Variants in DPY19L4 observed in about 807,000 individuals in gnomAD.
DPY19L4 encodes the protein dpy-19 like 4, also known as probable C-mannosyltransferase DPY19L4.
A neutral mutation model predicts 102.8 loss-of-function variants in DPY19L4; 97 were observed. The observed-to-expected ratio is 0.94, with a 90% CI of 0.80 to 1.12. The LOEUF (loss-of-function observed/expected upper bound fraction) is 1.12. Among genes scored for constraint, DPY19L4 ranks in the 50% most tolerant of loss-of-function variants. The probability of loss-of-function intolerance (pLI) is 0.00; values close to 1 mark genes in which losing one functional copy is unlikely to be tolerated. For synonymous variants in DPY19L4, 252 were observed against 283.1 expected (o/e 0.89, Z 1.10); for missense variants, 815 against 850.4 (o/e 0.96, Z 0.52).
At chr8:94,768,652 T>C in intron 12 of DPY19L4, 99 bp downstream of exon 12, 1 of 782,444 alleles carries the variant, frequency 1.3e-6, no homozygotes, top group Non-Finnish European at 1.8e-6. Context: ...GTATTTGTTT[T>C]AGAGCTTCTA....
At chr8:94,736,417 G>C (rs80079347) in intron 3 of DPY19L4, among the ~76,000 whole-genome samples, 8,031 of 152,218 alleles carry the variant, frequency 0.053, 285 homozygotes, top group East Asian at 0.14. Flanking sequence ...AAAGCTGTTT[G>C]ATTTTGTTTA....
intron 13 of DPY19L4, 132 bp from the exon 14 acceptor site, chr8:94,777,534 G>T: frequency 8.8e-7 from 1 of 1,137,192 alleles, no homozygotes; most frequent in Non-Finnish European, 1.2e-6. Flanking sequence ...GAAAATTAGA[G>T]TCTAAGCTTT....
chr8:94,743,684 A>G (rs1316212734), intron 6 of DPY19L4, among the ~76,000 whole-genome samples: 1 of 152,012 alleles, frequency 6.6e-6, no homozygotes, highest in Admixed American at 6.6e-5. Flanking sequence ...TGATTATTGT[A>G]TTATTTAAAA....
chr8:94,777,854 C>T lies in DPY19L4; in HGVS notation c.1575+68C>T, dbSNP rs568934633. The stretch of plus-strand genomic sequence containing the variant: ...ATCAAATGCTAATAAATGGAAACTA[C>T]ATTGAATACAATTGAAATAGCATGA... On this transcript the variant is annotated intron_variant, in intron 14 of 18. Transcript: ENST00000414645. 1.5e-5 allele frequency: 22 copies of T among 1,501,334 alleles called. No individual in the cohort carries two copies. The South Asian group carries it at 2.7e-4, about 18-fold the overall frequency. 93.0% of individuals were successfully genotyped at this position (1,501,334 alleles called of 1,614,324 possible). A position where few individuals can be genotyped will look rare whatever the true frequency, so the allele number is the denominator to read the frequency against.
Position 94,724,260 on chromosome 8 carries a change from A to T in DPY19L4, c.17-2071A>T, listed in dbSNP as rs758565870. Among the ~76,000 whole-genome samples the T allele has an allele frequency of 6.8e-4, 103 of 152,352 alleles. 1 individual carries two copies. The highest frequency in any genetic ancestry group is 3.7e-3 in the Admixed American group (57 of 15,306). ...TTTGACTTCTGAAATTATCCAATTA[A>T]ATGTTTTAAAGTCCAATGCTATTAC... is the stretch of plus-strand genomic sequence containing the variant. On this transcript the variant is annotated intron_variant, in intron 1 of 18. Transcript: ENST00000414645.
In DPY19L4 at chr8:94,719,932, C is replaced by T. The variant is rs1457262553; in HGVS notation, c.-67C>T. ...GGCCCCCGGAGGCCGAGGGGTTCGG[C>T]GACGCGGAGGGAGGGAGAGTCTGGG... On this transcript the variant is annotated 5_prime_UTR_variant, in exon 1 of 19. Transcript: ENST00000414645. The T allele has an allele frequency of 4.4e-5, 64 of 1,447,328 alleles. No individual in the cohort carries two copies. The highest frequency in any genetic ancestry group is 5.8e-5 in the Non-Finnish European group (63 of 1,094,854). The allele number at this position is 1,447,328 out of a possible 1,614,324, so 89.7% of individuals were successfully genotyped here. A position where few individuals can be genotyped will look rare whatever the true frequency, so the allele number is the denominator to read the frequency against.
At chr8:94,746,978 C>G (rs1339586198) in intron 6 of DPY19L4, among the ~76,000 whole-genome samples, 1 of 151,992 alleles carries the variant, frequency 6.6e-6, no homozygotes, top group Non-Finnish European at 1.5e-5. Flanking sequence ...TGACTCAGTT[C>G]TCATCATTTT....
intron 6 of DPY19L4, among the ~76,000 whole-genome samples, chr8:94,746,054 A>ATTTT (rs35095979): frequency 3.1e-4 from 21 of 67,106 alleles, no homozygotes; most frequent in African/African-American, 9.8e-4. Flanking sequence ...ATGCCTGGCC[A>ATTTT]TTTTTTTTTT....
chr8:94,752,710 G>A (rs1303771489), intron 6 of DPY19L4, among the ~76,000 whole-genome samples: 1 of 149,546 alleles, frequency 6.7e-6, no homozygotes, highest in East Asian at 2.0e-4. Context: ...TGTCACCCAG[G>A]CTGGAGTGCA....
intron 6 of DPY19L4, among the ~76,000 whole-genome samples, chr8:94,750,764 T>A (rs979226973): frequency 1.3e-5 from 2 of 151,612 alleles, no homozygotes; most frequent in African/African-American, 2.4e-5. Context: ...AATAAACATA[T>A]CCATCACTAC....
Position 94,770,669 on chromosome 8 carries a change from G to A in DPY19L4, c.1454+98G>A, listed in dbSNP as rs188874129. 8.4e-5 allele frequency: 127 copies of A among 1,518,668 alleles called. No homozygotes were observed. The African/African-American group carries it at 1.1e-3, about 14-fold the overall frequency. 94.1% of individuals were successfully genotyped at this position (1,518,668 alleles called of 1,614,324 possible). On this transcript the variant is annotated intron_variant, in intron 13 of 18. Coordinates refer to ENST00000414645, the MANE Select transcript of DPY19L4 (RefSeq NM_181787.3). ...TCCCAGCACTTTGGGAGGCCAAGGC[G>A]GGTGGCTCACCTGAGTTCAGGAGTT... is the stretch of plus-strand genomic sequence containing the variant.
chr8:94,775,587 A>G (rs1290343901), intron 13 of DPY19L4, among the ~76,000 whole-genome samples: 1 of 152,168 alleles, frequency 6.6e-6, no homozygotes, highest in African/African-American at 2.4e-5. Flanking sequence ...TTGGCCTCCC[A>G]AAGTGTTGGG....
intron 18 of DPY19L4, 136 bp from the exon 19 acceptor site, chr8:94,789,610 T>G: frequency 1.3e-6 from 1 of 755,254 alleles, no homozygotes; most frequent in East Asian, 3.1e-5. Context: ...TTCTATTTGC[T>G]AACAGTGAGA....
At chr8:94,762,332 G>A (rs1812428400) in intron 8 of DPY19L4, among the ~76,000 whole-genome samples, 1 of 152,140 alleles carries the variant, frequency 6.6e-6, no homozygotes, top group Non-Finnish European at 1.5e-5. Context: ...GCTTCCATAG[G>A]AAGTAATTGC....
At position 94,756,153 on chromosome 8, in the gene DPY19L4, T is replaced by A; in HGVS notation, c.729T>A (p.Tyr243Ter). 3 of 1,613,158 alleles carry A rather than the reference T, an allele frequency of 1.9e-6. No individual in the cohort carries two copies. Among genetic ancestry groups the A allele is most frequent in the Non-Finnish European group, 2.5e-6 (3 of 1,179,680 alleles). Reference sequence around the variant, plus strand: ...ATTTAAAAAGCAACTTAAATACTTATGGAGAGGTAAGATACAAATCTGTTT... The same window carrying A: ...ATTTAAAAAGCAACTTAAATACTTAAGGAGAGGTAAGATACAAATCTGTTT... ...TGYLKSNLNTYGERFCYLLMS... is the reference protein window; with the variant it reads ...TGYLKSNLNT Residue 243 changes from tyrosine (Y) to a stop codon, truncating the protein, a stop_gained, in exon 7 of 19, where the codon TAT becomes TAA. Transcript: ENST00000414645. LOFTEE classifies it high-confidence loss of function.
chr8:94,745,817 C>T (rs941500549), intron 6 of DPY19L4, among the ~76,000 whole-genome samples: 1 of 151,974 alleles, frequency 6.6e-6, no homozygotes. Context: ...TGCAATAATG[C>T]GATCTTGACT....
intron 18 of DPY19L4, among the ~76,000 whole-genome samples, chr8:94,789,018 A>C (rs201733836): frequency 2.6e-5 from 4 of 152,114 alleles, no homozygotes; most frequent in African/African-American, 7.2e-5. Context: ...AGTGGCTGTG[A>C]TCTTTGGTTT....
chr8:94,774,719 A>C (rs1409910468), intron 13 of DPY19L4, among the ~76,000 whole-genome samples: 1 of 151,970 alleles, frequency 6.6e-6, no homozygotes, highest in African/African-American at 2.4e-5. Flanking sequence ...CTGGGATTAC[A>C]GACATGCACC....
chr8:94,789,068 A>T (rs1196495580), intron 18 of DPY19L4, among the ~76,000 whole-genome samples: 2 of 152,146 alleles, frequency 1.3e-5, no homozygotes, highest in Non-Finnish European at 2.9e-5. Flanking sequence ...CCTCGGGTAC[A>T]GTTTCAGTAA....
Sources: gnomAD v4.1 joint callset for allele counts (sites outside exome capture counted in the v4.1 genomes callset) on GRCh38, gnomAD v4.1.1 for gene constraint, MANE v1.5 for transcripts, NCBI Gene and HGNC (gene_info 2026-07-23, HGNC 2026-07-21) for gene names.